SAMSN1: variants seen among roughly 807,000 people sequenced by gnomAD.
SAMSN1 encodes the protein SAM domain-containing protein SAMSN-1.
Under a neutral mutation model 42.0 loss-of-function variants are expected in SAMSN1, and 31 were observed. The ratio of observed to expected loss-of-function variants is 0.74; its 90% CI spans 0.55 to 1.00. The LOEUF (loss-of-function observed/expected upper bound fraction) is 1.00, where lower values mean the gene tolerates loss of function less well. Ranked by LOEUF, SAMSN1 falls within the 50% of genes least tolerant of loss-of-function variation. The pLI is 0.00. For synonymous variants in SAMSN1, 178 were observed against 151.9 expected, an observed-to-expected ratio of 1.17 and a Z score of -1.26; for missense variants, 464 against 439.4, an observed-to-expected ratio of 1.06 and a Z score of -0.50.
Position 14,510,395 on chromosome 21 carries a change from G to A in SAMSN1, c.476C>T (p.Pro159Leu). 2 of 1,614,106 alleles carry A rather than the reference G, an allele frequency of 1.2e-6. No individual in the cohort carries two copies. Among genetic ancestry groups the A allele is most frequent in the Middle Eastern group, 1.7e-4 (1 of 6,060 alleles). ...RDSFRLDDDG[P>L]YSGPFCGRAR... ...ACGGCCACAGAATGGTCCTGAATAG[G>A]GGCCATCGTCATCCAGTCGAAAGCT... Residue 159 changes from proline to leucine, a missense_variant, in exon 5 of 8, where the codon CCC becomes CTC. Transcript: ENST00000400566.
chr21:14,640,623 G>A (rs1354504556), intron 2 of SAMSN1, among the ~76,000 whole-genome samples: 2 of 149,606 alleles, frequency 1.3e-5, no homozygotes, highest in Non-Finnish European at 3.0e-5. Flanking sequence ...ACCATTAACT[G>A]GGGATACTAA....
chr21:14,557,202 T>C (rs1328487695), intron 2 of SAMSN1, among the ~76,000 whole-genome samples: 1 of 152,014 alleles, frequency 6.6e-6, no homozygotes, highest in Non-Finnish European at 1.5e-5. Context: ...AGGAGTGATG[T>C]AGAGTTGAGT....
chr21:14,573,897 C>G (rs1981380733), intron 2 of SAMSN1, among the ~76,000 whole-genome samples: 1 of 152,182 alleles, frequency 6.6e-6, no homozygotes, highest in Non-Finnish European at 1.5e-5. Context: ...AACACAGCTT[C>G]TAACACACCA....
intron 2 of SAMSN1, among the ~76,000 whole-genome samples, chr21:14,627,980 C>A (rs456278): frequency 2.6e-5 from 4 of 151,904 alleles, no homozygotes; most frequent in Non-Finnish European, 5.9e-5. Flanking sequence ...TATCCTCACC[C>A]AAAAAGTGAG....
At chr21:14,601,907 T>A in intron 6 of SAMSN1, 1 of 404,538 alleles carries the variant, frequency 2.5e-6, no homozygotes, top group Non-Finnish European at 4.6e-6. Flanking sequence ...CTATAATAAC[T>A]AAATAGAAAC....
In SAMSN1 at chr21:14,504,142, C is replaced by T. The variant is rs141027483; in HGVS notation, c.562-3407G>A. On this transcript the variant is annotated intron_variant, in intron 5 of 7. Transcript: ENST00000400566. ...TAGACCTTCCCTCTGACAGAAACTACCCAAATGAGAAGGAGCCAGAAAACC... is the reference window on the plus strand; with the variant it reads ...TAGACCTTCCCTCTGACAGAAACTATCCAAATGAGAAGGAGCCAGAAAACC... Among the ~76,000 whole-genome samples, 755 of 152,230 alleles carry T rather than the reference C, an allele frequency of 5.0e-3. 4 individuals carry two copies. The highest frequency in any genetic ancestry group is 0.012 in the South Asian group (60 of 4,816).
At chr21:14,573,646 GAAACCTTTATATACA>G (rs1196030814) in intron 2 of SAMSN1, among the ~76,000 whole-genome samples, 9 of 152,128 alleles carry the variant, frequency 5.9e-5, no homozygotes, top group African/African-American at 2.2e-4. Context: ...AAATTAGAAA[GAAACCTTTATATACA>G]AAACTTTTTC....
chr21:14,626,955 T>A (rs11088124), intron 2 of SAMSN1, among the ~76,000 whole-genome samples: 1 of 152,062 alleles, frequency 6.6e-6, no homozygotes, highest in East Asian at 1.9e-4. Flanking sequence ...CCATAAAAAA[T>A]GATGAGTTCA....
chr21:14,504,331 C>T (rs1187102957), intron 5 of SAMSN1, among the ~76,000 whole-genome samples: 7 of 151,982 alleles, frequency 4.6e-5, no homozygotes, highest in Non-Finnish European at 4.4e-5. Context: ...AAAGGTGAAG[C>T]GCAAGGTAAG....
At position 14,627,067 on chromosome 21, in the gene SAMSN1, A is replaced by G. The variant is rs569985648; in HGVS notation, c.157-11051T>C. On this transcript the variant is annotated intron_variant, in intron 2 of 15. Coordinates refer to the SAMSN1 transcript ENST00000647101. The stretch of plus-strand genomic sequence containing the variant: ...CTGCATGTTCTCACTCATAGGTGGG[A>G]ATTGAACAATGAGAACACATGGACA... Among the ~76,000 whole-genome samples the G allele has an allele frequency of 5.8e-4, 89 of 152,316 alleles. 1 individual carries two copies. Among genetic ancestry groups the G allele is most frequent in the African/African-American group, 1.9e-3 (81 of 41,570 alleles).
At chr21:14,508,410 A>G (rs928189233) in intron 5 of SAMSN1, among the ~76,000 whole-genome samples, 2 of 152,320 alleles carry the variant, frequency 1.3e-5, no homozygotes, top group African/African-American at 4.8e-5. Context: ...TGAATAGACA[A>G]TTCTCAAAAG....
chr21:14,552,672 T>C (rs989449569), intron 2 of SAMSN1, among the ~76,000 whole-genome samples: 1 of 152,152 alleles, frequency 6.6e-6, no homozygotes, highest in South Asian at 2.1e-4. Flanking sequence ...TATTTTATTA[T>C]AGCAGCCCAA....
chr21:14,612,499 T>C, intron 4 of SAMSN1: 1 of 372,602 alleles, frequency 2.7e-6, no homozygotes, highest in Non-Finnish European at 5.5e-6. Context: ...ACTTTTATAA[T>C]GAAACCACTT....
In SAMSN1 at chr21:14,606,286, A is replaced by G. The variant is rs537411516; in HGVS notation, c.322+3196T>C. On this transcript the variant is annotated intron_variant, in intron 5 of 15. Coordinates refer to the SAMSN1 transcript ENST00000647101. ...TTTCCCCAGCTTTTTCTTGTGGAATAGTCTGTCACAGTTACACTGATTGAT... is the reference window on the plus strand; with the variant it reads ...TTTCCCCAGCTTTTTCTTGTGGAATGGTCTGTCACAGTTACACTGATTGAT... Among the ~76,000 whole-genome samples, 4 of 152,282 alleles carry G rather than the reference A, an allele frequency of 2.6e-5. No individual in the cohort carries two copies. In the South Asian group the frequency reaches 8.3e-4, roughly 32 times the overall value.
At chr21:14,543,988 G>A (rs1271154737) in intron 1 of SAMSN1, among the ~76,000 whole-genome samples, 1 of 152,118 alleles carries the variant, frequency 6.6e-6, no homozygotes, top group Admixed American at 6.6e-5. Context: ...TAAATGAAAG[G>A]ATTTGCACTC....
Position 14,609,083 on chromosome 21 carries a change from A to G in SAMSN1, c.322+399T>C, listed in dbSNP as rs376345490. Reference sequence around the variant, plus strand: ...TCATAATCAAGGTTATTTCTCTTAAATTTTTTAAGAAGACTTAAACATAAC... The same window carrying G: ...TCATAATCAAGGTTATTTCTCTTAAGTTTTTTAAGAAGACTTAAACATAAC... On this transcript the variant is annotated intron_variant, in intron 5 of 15. Coordinates refer to the SAMSN1 transcript ENST00000647101. Among the ~76,000 whole-genome samples the G allele has an allele frequency of 2.0e-5, 3 of 152,150 alleles. No individual in the cohort carries two copies. The East Asian group carries it at 5.8e-4, about 29-fold the overall frequency.
At position 14,486,091 on chromosome 21, in the gene SAMSN1, G is replaced by T; in HGVS notation, c.943C>A (p.Pro315Thr). The change falls in exon 8 of 8, where the codon CCT becomes ACT. Residue 315 changes from proline (P) to threonine (T), a missense_variant. By Grantham distance (38) the Pro-to-Thr change is conservative. Transcript: ENST00000400566. ...TCTGAGCTCAAGGATAGGGGCTCAG[G>T]TTCATTTTCTTGCTCTTGAATAACT... is the stretch of plus-strand genomic sequence containing the variant. ...EEIIQEQENEPEPLSLSSDIS... is the reference protein window; with the variant it reads ...EEIIQEQENETEPLSLSSDIS... The T allele has an allele frequency of 6.2e-7, 1 of 1,613,270 alleles. No homozygotes were observed. Among genetic ancestry groups the T allele is most frequent in the African/African-American group, 1.3e-5 (1 of 74,992 alleles).
At chr21:14,616,281 G>C (rs1240746083) in intron 2 of SAMSN1, among the ~76,000 whole-genome samples, 1 of 151,476 alleles carries the variant, frequency 6.6e-6, no homozygotes, top group Non-Finnish European at 1.5e-5. Flanking sequence ...TATTAACGAG[G>C]GCTTATATCT....
intron 2 of SAMSN1, among the ~76,000 whole-genome samples, chr21:14,625,397 A>T (rs995974813): frequency 1.3e-5 from 2 of 152,218 alleles, no homozygotes; most frequent in African/African-American, 4.8e-5. Flanking sequence ...TCAGCCCTAA[A>T]TCTCCTTAAG....
Sources: allele counts gnomAD v4.1 joint callset (sites outside exome capture counted in the v4.1 genomes callset), GRCh38; gene constraint gnomAD v4.1.1; transcripts MANE v1.5; gene names NCBI Gene and HGNC (gene_info 2026-07-23, HGNC 2026-07-21).